DGAT1: variants seen among roughly 807,000 people sequenced by gnomAD.
The protein encoded by DGAT1 is diacylglycerol O-acyltransferase 1, also known as ACAT related gene product 1.
A neutral mutation model predicts 72.6 loss-of-function variants in DGAT1; 60 were observed. The ratio of observed to expected loss-of-function variants is 0.83; its 90% confidence interval spans 0.67 to 1.02. The LOEUF (loss-of-function observed/expected upper bound fraction) is 1.02. Among genes scored for constraint, DGAT1 ranks in the 50% least tolerant of loss-of-function variants. DGAT1 has a pLI of 0.00. For missense variants in DGAT1, 592 were observed against 670.0 expected (o/e 0.88, Z 1.29); for synonymous variants, 290 against 267.5 (o/e 1.08, Z -0.82).
intron 1 of DGAT1, among the ~76,000 whole-genome samples, chr8:144,322,949 C>T (rs1817498130): frequency 6.6e-6 from 1 of 152,190 alleles, no homozygotes; most frequent in African/African-American, 2.4e-5. Flanking sequence ...TGCCCACAAC[C>T]AGGAGGCTGG....
chr8:144,321,308 A>G lies in DGAT1; in HGVS notation c.288+13T>C. On this transcript the variant is annotated intron_variant, in intron 2 of 16. Transcript: ENST00000528718. ...TGGACCTAGACCCGCTCCCGACACC[A>G]TGTCCCACTCACCAGCATCACCACA... 6.2e-7 allele frequency: 1 copy of G among 1,613,262 alleles called. No homozygotes were observed. Among genetic ancestry groups the G allele is most frequent in the South Asian group, 1.1e-5 (1 of 91,072 alleles).
intron 1 of DGAT1, 43 bp downstream of exon 1, chr8:144,326,393 CG>C: frequency 7.3e-7 from 1 of 1,370,658 alleles, no homozygotes; most frequent in South Asian, 1.6e-5. Context: ...CGGAAAGTCG[CG>C]GGGCCCTTGG....
At position 144,317,126 on chromosome 8, in the gene DGAT1, A is replaced by T; in HGVS notation, c.1161-17T>A. On this transcript the variant is annotated splice_polypyrimidine_tract_variant and intron_variant, in intron 14 of 16. Coordinates refer to ENST00000528718, the MANE Select transcript of DGAT1 (RefSeq NM_012079.6). ...TAGAAGTGTCTGCAGAGGAGGGGGCATGGAAAGCGGTTCAGGTTCACAGCC... is the reference window on the plus strand; with the variant it reads ...TAGAAGTGTCTGCAGAGGAGGGGGCTTGGAAAGCGGTTCAGGTTCACAGCC... 1 of 1,612,762 alleles carries T rather than the reference A, an allele frequency of 6.2e-7. No individual in the cohort carries two copies.
At chr8:144,323,974 C>T (rs1222592690) in intron 1 of DGAT1, among the ~76,000 whole-genome samples, 1 of 152,150 alleles carries the variant, frequency 6.6e-6, no homozygotes, top group African/African-American at 2.4e-5. Context: ...GCAGACCCTG[C>T]TGGAGAGAGA....
At position 144,318,109 on chromosome 8, in the gene DGAT1, T is replaced by C. The variant is rs782569114; in HGVS notation, c.737A>G (p.Asn246Ser). The C allele has an allele frequency of 6.5e-7, 1 of 1,535,548 alleles. No homozygotes were observed. Among genetic ancestry groups the C allele is most frequent in the South Asian group, 1.3e-5 (1 of 78,570 alleles). ...GAGGTCCTCACCGCGGTAGGTCAGATTGTCCGGGTAGCTCACGGTGTGCGG... is the reference window on the plus strand; with the variant it reads ...GAGGTCCTCACCGCGGTAGGTCAGACTGTCCGGGTAGCTCACGGTGTGCGG... ...AAPHTVSYPDNLTYRDLYYFL... is the reference protein window; with the variant it reads ...AAPHTVSYPDSLTYRDLYYFL... Residue 246 changes from asparagine (N) to serine (S), a missense_variant, in exon 8 of 17, where the codon AAT becomes AGT. Physicochemically the swap from Asn to Ser is conservative, Grantham distance 46. Coordinates refer to ENST00000528718, the MANE Select transcript of DGAT1 (RefSeq NM_012079.6).
intron 1 of DGAT1, among the ~76,000 whole-genome samples, chr8:144,323,316 C>T (rs543016306): frequency 6.0e-4 from 92 of 152,266 alleles, no homozygotes; most frequent in African/African-American, 1.6e-3. Context: ...TCAGGGGCCC[C>T]TTGACAGGCT....
At chr8:144,325,659 G>T (rs1215751922) in intron 1 of DGAT1, among the ~76,000 whole-genome samples, 1 of 152,124 alleles carries the variant, frequency 6.6e-6, no homozygotes, top group Non-Finnish European at 1.5e-5. Context: ...CCTTCCCATC[G>T]GCCATGGTTC....
chr8:144,317,283 A>C, intron 13 of DGAT1, 31 bp from the exon 14 acceptor site: 1 of 1,612,938 alleles, frequency 6.2e-7, no homozygotes, highest in South Asian at 1.1e-5. Flanking sequence ...GGGGGATCAG[A>C]GCACACCATG....
Position 144,315,778 on chromosome 8 carries a change from C to G in DGAT1, c.*776G>C, listed in dbSNP as rs1203126251. On this transcript the variant is annotated 3_prime_UTR_variant, in exon 17 of 17. Coordinates refer to ENST00000528718, the MANE Select transcript of DGAT1 (RefSeq NM_012079.6). The stretch of plus-strand genomic sequence containing the variant: ...GGGCAGCTGAGAGCCACCAGCCCAC[C>G]TGGCTGCCCAGGTTCCAAGTGAAGG... 28 of 955,688 alleles carry G rather than the reference C, an allele frequency of 2.9e-5. No homozygotes were observed. In the Admixed American group the frequency reaches 8.0e-4, roughly 27 times the overall value. 59.2% of individuals were successfully genotyped at this position (955,688 alleles called of 1,614,324 possible).
chr8:144,319,615 G>C (rs1320744428), intron 2 of DGAT1, among the ~76,000 whole-genome samples: 1 of 152,202 alleles, frequency 6.6e-6, no homozygotes, highest in Non-Finnish European at 1.5e-5. Flanking sequence ...GGCTGGGCCT[G>C]GAGTGCTTCC....
chr8:144,321,056 G>A (rs1554848061), intron 2 of DGAT1, among the ~76,000 whole-genome samples: 2 of 152,154 alleles, frequency 1.3e-5, no homozygotes, highest in African/African-American at 2.4e-5. Flanking sequence ...ACATCTGCAG[G>A]GCTCTCCTGG....
At chr8:144,326,374 G>C (rs1817592388) in intron 1 of DGAT1, 63 bp downstream of exon 1, 2 of 1,335,350 alleles carry the variant, frequency 1.5e-6, no homozygotes, top group Non-Finnish European at 1.9e-6. Flanking sequence ...CTCGCGCTTC[G>C]GCCAACCCCG....
rs1157666041 is a variant in DGAT1, at chr8:144,317,428, G to C, written c.999C>G (p.Ile333Met). ...LLKLAVPNHL[I>M]WLIFFYWLFH... The stretch of plus-strand genomic sequence containing the variant: ...AGAGCCAGTAGAAGAAGATGAGCCA[G>C]ATGAGGTGATTGGGGACCTGGCAGG... Residue 333 changes from isoleucine to methionine, a missense_variant, in exon 13 of 17, where the codon ATC (isoleucine) becomes ATG (methionine). By Grantham distance (10) the Ile-to-Met change is conservative. Coordinates refer to ENST00000528718, the MANE Select transcript of DGAT1 (RefSeq NM_012079.6). 1 of 1,613,804 alleles carries C rather than the reference G, an allele frequency of 6.2e-7. No homozygotes were observed. The highest frequency in any genetic ancestry group is 8.5e-7 in the Non-Finnish European group (1 of 1,180,010).
In DGAT1 at chr8:144,318,507, CAG is replaced by C; in HGVS notation, c.526_527del (p.Leu176ValfsTer11). The C allele has an allele frequency of 6.2e-7, 1 of 1,611,946 alleles. No individual in the cohort carries two copies. Among genetic ancestry groups the C allele is most frequent in the Non-Finnish European group, 8.5e-7 (1 of 1,179,942 alleles). ...LLHVANLATI[L>X]CFPAAVVLLV... ...GTAAGACCACAGCCGCTGGGAAACA[CAG>C]AATGGTGGCCAGGTTGGCCACGTGC... On this transcript the variant is annotated frameshift_variant, in exon 6 of 17. Coordinates refer to ENST00000528718, the MANE Select transcript of DGAT1 (RefSeq NM_012079.6). LOFTEE classifies it high-confidence loss of function.
At chr8:144,318,053 C>A (rs1817307130) in intron 8 of DGAT1, 36 bp from the exon 9 acceptor site, 1 of 1,519,914 alleles carries the variant, frequency 6.6e-7, no homozygotes, top group South Asian at 1.3e-5. Flanking sequence ...CCAGAACAGG[C>A]CCAGCCTGTC....
intron 7 of DGAT1, 32 bp downstream of exon 7, chr8:144,318,229 G>A (rs781872233): frequency 2.5e-6 from 4 of 1,610,158 alleles, no homozygotes; most frequent in East Asian, 2.2e-5. Flanking sequence ...CAGCCCCCCA[G>A]CAGGCAGCCC....
chr8:144,317,739 C>T (rs782054104), intron 10 of DGAT1, 27 bp from the exon 11 acceptor site: 2 of 1,613,472 alleles, frequency 1.2e-6, no homozygotes, highest in African/African-American at 2.7e-5. Context: ...CACGTCAGCT[C>T]CCAGCCATGC....
Position 144,317,549 on chromosome 8 carries a change from G to A in DGAT1, c.976C>T (p.Leu326=). The A allele has an allele frequency of 6.2e-7, 1 of 1,613,902 alleles. No individual in the cohort carries two copies. The highest frequency in any genetic ancestry group is 8.5e-7 in the Non-Finnish European group (1 of 1,180,024). The change falls in exon 12 of 17, where the codon CTG becomes TTG. Residue 326 remains leucine, a synonymous_variant. Coordinates refer to ENST00000528718, the MANE Select transcript of DGAT1 (RefSeq NM_012079.6). ...CGCCACCTGTCCGCACTCACCGCCA[G>A]CTTCAGGAGGCGCTCGATGATGCGT... ...YSRIIERLLK[L]AVPNHLIWLI... is the part of the protein sequence containing the mutation.
At position 144,314,855 on chromosome 8, in the gene DGAT1, GC is replaced by G. The variant is rs1168899780; in HGVS notation, c.*1698del. 1 of 965,886 alleles carries G rather than the reference GC, an allele frequency of 1.0e-6. No homozygotes were observed. The highest frequency in any genetic ancestry group is 1.2e-6 in the Non-Finnish European group (1 of 810,632). The allele number at this position is 965,886 out of a possible 1,614,324, so 59.8% of individuals were successfully genotyped here. A position where few individuals can be genotyped will look rare whatever the true frequency, so the allele number is the denominator to read the frequency against. On this transcript the variant is annotated 3_prime_UTR_variant, in exon 17 of 17. Transcript: ENST00000528718. The stretch of plus-strand genomic sequence containing the variant: ...GACGGATGCTTGCAGCTAGCTCCGT[GC>G]CTGCCCGACTCCCCAGGACCAGCAT...
Sources: allele counts gnomAD v4.1 joint callset (sites outside exome capture counted in the v4.1 genomes callset), GRCh38; gene constraint gnomAD v4.1.1; transcripts MANE v1.5; gene names NCBI Gene and HGNC (gene_info 2026-07-23, HGNC 2026-07-21).